Variants in PLA2G4A observed in about 807,000 individuals in gnomAD.
The protein encoded by PLA2G4A is phospholipase A2 group IVA, also known as cytosolic phospholipase A2.
In PLA2G4A, 40 loss-of-function variants were observed where a neutral mutation model predicts 81.9. That is an observed-to-expected ratio of 0.49 (90% confidence interval 0.38 to 0.64). PLA2G4A has a LOEUF of 0.64. PLA2G4A is among the 30% of genes least tolerant of loss of function. The pLI, the probability that PLA2G4A is intolerant of heterozygous loss-of-function variation, is 0.00. For synonymous variants in PLA2G4A, 302 were observed against 296.9 expected (o/e 1.02, Z -0.18); for missense variants, 715 against 905.1 (o/e 0.79, Z 2.69).
chr1:186,973,909 T>G (rs1431128801), intron 15 of PLA2G4A, among the ~76,000 whole-genome samples: 4 of 152,086 alleles, frequency 2.6e-5, no homozygotes, highest in African/African-American at 9.7e-5. Context: ...GCCATCCTTC[T>G]CCCTAATCTT....
At chr1:186,954,117 T>C (rs1656659064) in intron 13 of PLA2G4A, among the ~76,000 whole-genome samples, 1 of 152,226 alleles carries the variant, frequency 6.6e-6, no homozygotes, top group African/African-American at 2.4e-5. Flanking sequence ...TTATAAATCA[T>C]GCTACTATAA....
At chr1:186,890,034 T>C (rs967431669) in intron 3 of PLA2G4A, among the ~76,000 whole-genome samples, 16 of 152,200 alleles carry the variant, frequency 1.1e-4, no homozygotes, top group African/African-American at 3.1e-4. Context: ...AACACTAAAA[T>C]AAAGTACTTA....
rs1228811550 is a variant in PLA2G4A, at chr1:186,854,305, G to A, written c.-50G>A. 1.7e-5 allele frequency: 19 copies of A among 1,113,598 alleles called. No individual in the cohort carries two copies. Among genetic ancestry groups the A allele is most frequent in the Non-Finnish European group, 2.5e-5 (18 of 724,530 alleles). 69.0% of individuals were successfully genotyped at this position (1,113,598 alleles called of 1,614,324 possible). A position where few individuals can be genotyped will look rare whatever the true frequency, so the allele number is the denominator to read the frequency against. The stretch of plus-strand genomic sequence containing the variant: ...TTGTAGGTTTTAAAGACGCTAGAGT[G>A]CCAAAGAAGACTTTGAAGTGTGAAA... On this transcript the variant is annotated 5_prime_UTR_variant, in exon 2 of 18. Coordinates refer to ENST00000367466, the MANE Select transcript of PLA2G4A (RefSeq NM_024420.3).
intron 6 of PLA2G4A, among the ~76,000 whole-genome samples, chr1:186,910,556 A>G (rs1178100404): frequency 1.3e-5 from 2 of 152,124 alleles, no homozygotes; most frequent in South Asian, 2.1e-4. Flanking sequence ...GTATAATAAT[A>G]TGTAGTGATA....
At chr1:186,949,309 G>A (rs1382025082) in intron 12 of PLA2G4A, among the ~76,000 whole-genome samples, 2 of 135,588 alleles carry the variant, frequency 1.5e-5, no homozygotes, top group Non-Finnish European at 3.2e-5. Flanking sequence ...AAGAAAGAAA[G>A]AGAAAGAAGG....
intron 1 of PLA2G4A, among the ~76,000 whole-genome samples, chr1:186,848,158 G>A (rs1652253108): frequency 6.6e-6 from 1 of 152,092 alleles, no homozygotes; most frequent in Non-Finnish European, 1.5e-5. Flanking sequence ...GTGCATGTCA[G>A]GGAACACAAG....
At chr1:186,903,154 A>G (rs1479334953) in intron 5 of PLA2G4A, among the ~76,000 whole-genome samples, 2 of 152,188 alleles carry the variant, frequency 1.3e-5, no homozygotes, top group African/African-American at 4.8e-5. Flanking sequence ...GTAAATATGG[A>G]TAAAGCAGAA....
At position 186,946,724 on chromosome 1, in the gene PLA2G4A, T is replaced by G. The variant is rs1173317695; in HGVS notation, c.1121T>G (p.Met374Arg). 6.2e-7 allele frequency: 1 copy of G among 1,612,482 alleles called. No homozygotes were observed. Among genetic ancestry groups the G allele is most frequent in the Non-Finnish European group, 8.5e-7 (1 of 1,178,748 alleles). The change falls in exon 11 of 18, where the codon ATG (methionine) becomes AGG (arginine). Residue 374 changes from methionine to arginine, a missense_variant. Coordinates refer to ENST00000367466, the MANE Select transcript of PLA2G4A (RefSeq NM_024420.3). ...GACTTATTTGGAAGCAAATTTTTTA[T>G]GGGAACAGTCGTTAAGAAGTATGAA... ...APDLFGSKFF[M>R]GTVVKKYEEN...
At chr1:186,862,722 G>C (rs901585502) in intron 2 of PLA2G4A, among the ~76,000 whole-genome samples, 3 of 152,122 alleles carry the variant, frequency 2.0e-5, no homozygotes, top group African/African-American at 7.2e-5. Flanking sequence ...ATATCATCTA[G>C]GGCAGTAATT....
chr1:186,975,909 C>T (rs572145090), intron 15 of PLA2G4A, among the ~76,000 whole-genome samples: 1 of 152,280 alleles, frequency 6.6e-6, no homozygotes, highest in South Asian at 2.1e-4. Context: ...CTTTATCATA[C>T]TTTTCTATAA....
chr1:186,968,392 C>T lies in PLA2G4A; in HGVS notation c.1764+2799C>T, dbSNP rs924397262. 7.4e-4 allele frequency among the ~76,000 whole-genome samples: 17 copies of T among 22,914 alleles called. 1 individual carries two copies. Among genetic ancestry groups the T allele is most frequent in the African/African-American group, 2.7e-3 (13 of 4,822 alleles). 15.0% of individuals were successfully genotyped at this position (22,914 alleles called of 152,430 possible). A position where few individuals can be genotyped will look rare whatever the true frequency, so the allele number is the denominator to read the frequency against. On this transcript the variant is annotated intron_variant, in intron 15 of 17. Coordinates refer to ENST00000367466, the MANE Select transcript of PLA2G4A (RefSeq NM_024420.3). ...GGTATTTTCTTCTAGTCTCTTTTCGCGGTGTGTATGTGTGTGTGTGTGTGT... is the reference window on the plus strand; with the variant it reads ...GGTATTTTCTTCTAGTCTCTTTTCGTGGTGTGTATGTGTGTGTGTGTGTGT...
chr1:186,838,872 G>A (rs1360212782), intron 1 of PLA2G4A, among the ~76,000 whole-genome samples: 3 of 152,074 alleles, frequency 2.0e-5, no homozygotes, highest in Non-Finnish European at 4.4e-5. Flanking sequence ...CCAAAAAAAG[G>A]ATCTTTCACA....
intron 17 of PLA2G4A, among the ~76,000 whole-genome samples, chr1:186,981,165 A>T (rs1657707380): frequency 6.6e-6 from 1 of 151,920 alleles, no homozygotes; most frequent in East Asian, 1.9e-4. Context: ...GAGCCAATAA[A>T]CTCAAAACTA....
intron 2 of PLA2G4A, among the ~76,000 whole-genome samples, chr1:186,865,888 T>G (rs1653009596): frequency 6.6e-6 from 1 of 152,172 alleles, no homozygotes; most frequent in African/African-American, 2.4e-5. Flanking sequence ...AATTTTGAAA[T>G]GAAAAATTGT....
At chr1:186,911,658 G>A (rs1366275505) in intron 7 of PLA2G4A, among the ~76,000 whole-genome samples, 1 of 152,036 alleles carries the variant, frequency 6.6e-6, no homozygotes, top group Non-Finnish European at 1.5e-5. Flanking sequence ...ATAAAATTGA[G>A]CCAAAAGCAC....
At position 186,939,042 on chromosome 1, in the gene PLA2G4A, C is replaced by G; in HGVS notation, c.730C>G (p.Pro244Ala). 1 of 1,608,394 alleles carries G rather than the reference C, an allele frequency of 6.2e-7. No homozygotes were observed. The highest frequency in any genetic ancestry group is 8.5e-7 in the Non-Finnish European group (1 of 1,175,096). The part of the protein sequence containing the change: ...MSTLYSHPDF[P>A]EKGPEEINEE... The stretch of plus-strand genomic sequence containing the variant: ...AACCTTGTATTCTCACCCTGATTTT[C>G]CAGAGAAAGGGCCAGAGGAGATTAA... The change falls in exon 9 of 18, where the codon CCA (proline) becomes GCA (alanine). Residue 244 changes from proline (P) to alanine (A), a missense_variant. Pro to Ala is a conservative substitution (Grantham distance 27). Coordinates refer to ENST00000367466, the MANE Select transcript of PLA2G4A (RefSeq NM_024420.3).
At chr1:186,911,148 A>T in intron 6 of PLA2G4A, 100 bp from the exon 7 acceptor site, 1 of 900,800 alleles carries the variant, frequency 1.1e-6, no homozygotes, top group Non-Finnish European at 1.9e-6. Context: ...AGCAGTCAGC[A>T]TATATCAGTG....
intron 9 of PLA2G4A, among the ~76,000 whole-genome samples, chr1:186,939,559 C>G (rs75806020): frequency 0.013 from 1,928 of 149,662 alleles, 17 homozygotes; most frequent in Non-Finnish European, 0.017. Flanking sequence ...AGAATGGTAA[C>G]ATTTTTAGAT....
intron 2 of PLA2G4A, among the ~76,000 whole-genome samples, chr1:186,866,476 A>G (rs1653033086): frequency 6.6e-6 from 1 of 151,982 alleles, no homozygotes; most frequent in Non-Finnish European, 1.5e-5. Flanking sequence ...ATATAATCAC[A>G]CCTATTCTTT....
Sources: allele counts gnomAD v4.1 joint callset (sites outside exome capture counted in the v4.1 genomes callset), GRCh38; gene constraint gnomAD v4.1.1; transcripts MANE v1.5; gene names NCBI Gene and HGNC (gene_info 2026-07-23, HGNC 2026-07-21).